Variants in GABRA2 observed in about 807,000 individuals in gnomAD.
GABRA2 encodes gamma-aminobutyric acid type A receptor subunit alpha2, also known as gamma-aminobutyric acid receptor subunit alpha-2.
GABRA2 carries 16 observed loss-of-function variants against 48.7 expected under a neutral mutation model. The observed-to-expected ratio is 0.33, with a 90% CI of 0.22 to 0.50. GABRA2 has a LOEUF of 0.50. Ranked by LOEUF, GABRA2 falls within the 20% of genes least tolerant of loss-of-function variation. The pLI is 0.98. For missense variants in GABRA2, 275 were observed against 535.6 expected (o/e 0.51, Z 4.80); for synonymous variants, 185 against 184.5 (o/e 1.00, Z -0.02).
At chr4:46,313,838 C>A (rs1028231970) in intron 4 of GABRA2, among the ~76,000 whole-genome samples, 6 of 151,882 alleles carry the variant, frequency 4.0e-5, no homozygotes, top group African/African-American at 1.5e-4. Flanking sequence ...AACAATGCAG[C>A]GATAGCAATT....
chr4:46,377,659 C>T (rs1716019652), intron 3 of GABRA2, among the ~76,000 whole-genome samples: 1 of 148,984 alleles, frequency 6.7e-6, no homozygotes, highest in African/African-American at 2.5e-5. Flanking sequence ...AGGGGCGCCT[C>T]TGCCCGGCCG....
intron 8 of GABRA2, among the ~76,000 whole-genome samples, chr4:46,292,501 A>G (rs1347078302): frequency 6.6e-6 from 1 of 152,212 alleles, no homozygotes; most frequent in African/African-American, 2.4e-5. Context: ...CTGAGCTTGT[A>G]AACTCTGATG....
intron 3 of GABRA2, among the ~76,000 whole-genome samples, chr4:46,353,182 CT>C (rs1163913347): frequency 2.0e-5 from 3 of 152,064 alleles, no homozygotes; most frequent in Admixed American, 6.6e-5. Flanking sequence ...TGTAATTATC[CT>C]TGACTTTCCT....
At chr4:46,330,585 T>TAG (rs1284493121) in intron 4 of GABRA2, among the ~76,000 whole-genome samples, 3,553 of 117,486 alleles carry the variant, frequency 0.03, 48 homozygotes, top group Middle Eastern at 0.057. Flanking sequence ...TATATATATA[T>TAG]ATATATAGAG....
intron 9 of GABRA2, among the ~76,000 whole-genome samples, chr4:46,254,462 G>A (rs552482054): frequency 6.6e-6 from 1 of 151,518 alleles, no homozygotes; most frequent in Non-Finnish European, 1.5e-5. Context: ...GGATAGTTCT[G>A]ATGGCTAATT....
intron 9 of GABRA2, chr4:46,256,471 A>G (rs945307654): frequency 3.0e-4 from 118 of 399,572 alleles, no homozygotes; most frequent in Non-Finnish European, 4.6e-4. Context: ...TTAAAAAAAA[A>G]ATAAAACATT....
chr4:46,371,599 T>A (rs1714903234), intron 3 of GABRA2, among the ~76,000 whole-genome samples: 1 of 151,970 alleles, frequency 6.6e-6, no homozygotes, highest in South Asian at 2.1e-4. Flanking sequence ...ATATAGATTT[T>A]TTTTACTCAT....
chr4:46,292,963 G>T (rs1440515276), intron 8 of GABRA2, among the ~76,000 whole-genome samples: 1 of 152,092 alleles, frequency 6.6e-6, no homozygotes, highest in African/African-American at 2.4e-5. Context: ...GGAATAATTG[G>T]ATCCCAAGTT....
intron 4 of GABRA2, among the ~76,000 whole-genome samples, chr4:46,317,550 A>C (rs1248780737): frequency 6.6e-6 from 1 of 151,796 alleles, no homozygotes; most frequent in East Asian, 1.9e-4. Context: ...ATTTGTCATC[A>C]GTGTACCGTG....
chr4:46,272,301 C>T (rs547081936), intron 8 of GABRA2, among the ~76,000 whole-genome samples: 11 of 152,010 alleles, frequency 7.2e-5, no homozygotes, highest in Admixed American at 3.9e-4. Flanking sequence ...TAAGAATGTG[C>T]TTAGTTGAGG....
rs1046170757 is a variant in GABRA2 at position 46,249,808 on chromosome 4, T to C, written c.*500A>G. Reference sequence around the variant, plus strand: ...GATTTCAAATCTCTAGTTTTTCTTATGTGTACCAAGCTTCCAATTACATTA... The same window carrying C: ...GATTTCAAATCTCTAGTTTTTCTTACGTGTACCAAGCTTCCAATTACATTA... On this transcript the variant is annotated 3_prime_UTR_variant, in exon 10 of 10. Transcript: ENST00000381620. 1 of 153,672 alleles carries C rather than the reference T, an allele frequency of 6.5e-6. No individual in the cohort carries two copies. Among genetic ancestry groups the C allele is most frequent in the Non-Finnish European group, 1.4e-5 (1 of 69,252 alleles). The allele number at this position is 153,672 out of a possible 1,614,324, so 9.5% of individuals were successfully genotyped here.
intron 4 of GABRA2, among the ~76,000 whole-genome samples, chr4:46,321,784 G>T (rs1729494685): frequency 6.6e-6 from 1 of 151,982 alleles, no homozygotes; most frequent in African/African-American, 2.4e-5. Flanking sequence ...ATCTTCAAAA[G>T]ATCCTTCTCC....
intron 1 of GABRA2, 31 bp from the exon 2 acceptor site, chr4:46,388,747 T>C (rs750040856): frequency 3.1e-6 from 5 of 1,612,578 alleles, no homozygotes; most frequent in Non-Finnish European, 4.2e-6. Context: ...AAAAACAAAA[T>C]ACACTTAAAA....
At chr4:46,289,332 A>G (rs531462436) in intron 8 of GABRA2, among the ~76,000 whole-genome samples, 25 of 152,262 alleles carry the variant, frequency 1.6e-4, no homozygotes, top group Non-Finnish European at 3.1e-4. Context: ...GACTAAGAAA[A>G]TGTGGTAAAT....
chr4:46,261,274 A>T (rs1051991833), intron 9 of GABRA2: 1 of 152,408 alleles, frequency 6.6e-6, no homozygotes, highest in Non-Finnish European at 1.5e-5. Context: ...CTTTTAGACC[A>T]TATGAACAAT....
At chr4:46,296,530 T>G (rs1157730070) in intron 8 of GABRA2, among the ~76,000 whole-genome samples, 1 of 152,016 alleles carries the variant, frequency 6.6e-6, no homozygotes, top group Admixed American at 6.5e-5. Context: ...AGCAGATCCA[T>G]TATGGTGTCT....
At chr4:46,388,906 C>T in intron 1 of GABRA2, 190 bp from the exon 2 acceptor site, 1 of 1,340,712 alleles carries the variant, frequency 7.5e-7, no homozygotes, top group Non-Finnish European at 9.6e-7. Context: ...CACCCCCACC[C>T]TTTTCCTTTC....
chr4:46,343,955 AAG>A (rs1733721920), intron 3 of GABRA2, among the ~76,000 whole-genome samples: 2 of 152,072 alleles, frequency 1.3e-5, no homozygotes, highest in African/African-American at 4.8e-5. Flanking sequence ...AGAAAAGTAA[AAG>A]AAGCCACCTC....
rs557597392 is a variant in GABRA2 at position 46,335,837 on chromosome 4, C to T, written c.188-3155G>A. ...AGAGCCTTCAAAATGGCCATTATCTCGCATTTTCTCTTTGGTTAACTGCTC... is the reference window on the plus strand; with the variant it reads ...AGAGCCTTCAAAATGGCCATTATCTTGCATTTTCTCTTTGGTTAACTGCTC... On this transcript the variant is annotated intron_variant, in intron 3 of 9. Coordinates refer to ENST00000381620, the MANE Select transcript of GABRA2 (RefSeq NM_000807.4). Among the ~76,000 whole-genome samples, 13 of 152,184 alleles carry T rather than the reference C, an allele frequency of 8.5e-5. 1 individual carries two copies. Among genetic ancestry groups the T allele is most frequent in the African/African-American group, 2.6e-4 (11 of 41,528 alleles).
Sources: allele counts gnomAD v4.1 joint callset (sites outside exome capture counted in the v4.1 genomes callset), GRCh38; gene constraint gnomAD v4.1.1; transcripts MANE v1.5; gene names NCBI Gene and HGNC (gene_info 2026-07-23, HGNC 2026-07-21).